VANGL1: variants seen among roughly 807,000 people sequenced by gnomAD.
VANGL1 encodes the protein VANGL planar cell polarity protein 1, also known as vang-like protein 1.
A neutral mutation model predicts 48.4 loss-of-function variants in VANGL1; 18 were observed. The ratio of observed to expected loss-of-function variants is 0.37; its 90% CI spans 0.26 to 0.55. VANGL1 has a LOEUF of 0.55. VANGL1 is among the 20% of genes least tolerant of loss of function. The pLI is 0.81. For synonymous variants in VANGL1, 257 were observed against 261.8 expected (o/e 0.98, Z 0.18); for missense variants, 667 against 675.8 (o/e 0.99, Z 0.14).
In VANGL1 at chr1:115,673,594, CTTTTTT is replaced by C. The variant is rs960453479; in HGVS notation, c.813-8752_813-8747del. Among the ~76,000 whole-genome samples, 10 of 108,584 alleles carry C rather than the reference CTTTTTT, an allele frequency of 9.2e-5. No individual in the cohort carries two copies. The East Asian group carries it at 1.5e-3, about 16-fold the overall frequency. The allele number at this position is 108,584 out of a possible 152,430, so 71.2% of individuals were successfully genotyped here. On this transcript the variant is annotated intron_variant, in intron 4 of 7. Transcript: ENST00000355485. ...CTCTCTGTGGGTCTCTGTATGTCCT[CTTTTTT>C]TTTTTTTTTTTTTTTTTGAGACAGA... is the stretch of plus-strand genomic sequence containing the variant.
chr1:115,691,336 C>G lies in VANGL1; in HGVS notation c.1532C>G (p.Ser511Cys). Residue 511 changes from serine (S) to cysteine (C), a missense_variant, in exon 8 of 8, where the codon TCT becomes TGT. By Grantham distance (112) the Ser-to-Cys change is moderately radical (BLOSUM62 -1). Transcript: ENST00000355485. ...TCTGAAGAGTTCATAGACCCCAAAT[C>G]TCACAAATTTGTCCTTCGCTTACAG... ...ILSEEFIDPK[S>C]HKFVLRLQSE... 1.2e-6 allele frequency: 2 copies of G among 1,614,080 alleles called. No homozygotes were observed. The highest frequency in any genetic ancestry group is 2.2e-5 in the South Asian group (2 of 91,072).
chr1:115,651,853 T>G (rs1244246575), intron 2 of VANGL1, among the ~76,000 whole-genome samples: 2 of 152,064 alleles, frequency 1.3e-5, no homozygotes, highest in East Asian at 3.9e-4. Context: ...GCCTTGTGGG[T>G]TCACGCCACT....
rs370292117 is a variant in VANGL1, at chr1:115,663,799, G to A, written c.343G>A (p.Val115Ile). ...LDCKRYLGLT[V>I]ASFLGLLVFL... ...TTGCAAACGCTACCTGGGCCTCACCGTCGCCTCTTTTCTTGGACTTCTAGT... is the reference window on the plus strand; with the variant it reads ...TTGCAAACGCTACCTGGGCCTCACCATCGCCTCTTTTCTTGGACTTCTAGT... Residue 115 changes from valine to isoleucine, a missense_variant, in exon 4 of 8, where the codon GTC becomes ATC. By Grantham distance (29) the Val-to-Ile change is conservative (BLOSUM62 3). Transcript: ENST00000355485. 49 of 1,614,096 alleles carry A rather than the reference G, an allele frequency of 3.0e-5. No individual in the cohort carries two copies. The highest frequency in any genetic ancestry group is 1.1e-4 in the East Asian group (5 of 44,884).
At chr1:115,655,382 G>C (rs1297638381) in intron 2 of VANGL1, among the ~76,000 whole-genome samples, 1 of 152,214 alleles carries the variant, frequency 6.6e-6, no homozygotes, top group Non-Finnish European at 1.5e-5. Context: ...CAAGGGCTTA[G>C]CTCTAGAACC....
In VANGL1 at chr1:115,691,426, G is replaced by A; in HGVS notation, c.*47G>A. ...ATTAAAAAAAAAAGAAAAATATATAGAGAGATATATATCTATGCCAGAGGG... is the reference window on the plus strand; with the variant it reads ...ATTAAAAAAAAAAGAAAAATATATAAAGAGATATATATCTATGCCAGAGGG... On this transcript the variant is annotated 3_prime_UTR_variant, in exon 8 of 8. Transcript: ENST00000355485. 6.4e-7 allele frequency: 1 copy of A among 1,558,206 alleles called. No individual in the cohort carries two copies. The highest frequency in any genetic ancestry group is 8.7e-7 in the Non-Finnish European group (1 of 1,146,700).
chr1:115,669,558 T>A (rs1040776160), intron 4 of VANGL1, among the ~76,000 whole-genome samples: 2 of 152,180 alleles, frequency 1.3e-5, no homozygotes, highest in Non-Finnish European at 2.9e-5. Flanking sequence ...CCTGTGGTAG[T>A]GAGTAAGTCT....
chr1:115,670,676 G>A (rs1412151921), intron 4 of VANGL1, among the ~76,000 whole-genome samples: 1 of 152,214 alleles, frequency 6.6e-6, no homozygotes, highest in Non-Finnish European at 1.5e-5. Context: ...AGAGCCCAGA[G>A]CCAGTGGCTG....
At position 115,664,107 on chromosome 1, in the gene VANGL1, G is replaced by C. The variant is rs755880701; in HGVS notation, c.651G>C (p.Gln217His). 1.9e-5 allele frequency: 31 copies of C among 1,614,024 alleles called. No homozygotes were observed. The highest frequency in any genetic ancestry group is 2.7e-5 in the African/African-American group (2 of 74,890). The change falls in exon 4 of 8, where the codon CAG becomes CAC. Residue 217 changes from glutamine to histidine, a missense_variant. By Grantham distance (24) the Gln-to-His change is conservative. Coordinates refer to ENST00000355485, the MANE Select transcript of VANGL1 (RefSeq NM_138959.3). ...TGGACTCTCGGGACCGGAATTACCA[G>C]GGCATTGTGCAATATGCAGTCTCCC... ...RILDSRDRNYQGIVQYAVSLV... is the reference protein window; with the variant it reads ...RILDSRDRNYHGIVQYAVSLV...
rs994765217 is a variant in VANGL1 at position 115,688,125 on chromosome 1, T to G, written c.1314+2598T>G. Among the ~76,000 whole-genome samples the G allele has an allele frequency of 1.4e-5, 2 of 138,364 alleles. 1 individual carries two copies. The highest frequency in any genetic ancestry group is 5.4e-5 in the African/African-American group (2 of 36,788). The allele number at this position is 138,364 out of a possible 152,430, so 90.8% of individuals were successfully genotyped here. Reference sequence around the variant, plus strand: ...TGTATATTATCTTTCTCTATATATATGTAGAGAGATATAGATATATAAAAC... The same window carrying G: ...TGTATATTATCTTTCTCTATATATAGGTAGAGAGATATAGATATATAAAAC... On this transcript the variant is annotated intron_variant, in intron 7 of 7. Coordinates refer to ENST00000355485, the MANE Select transcript of VANGL1 (RefSeq NM_138959.3).
At chr1:115,664,581 T>G (rs1031957932) in intron 4 of VANGL1, among the ~76,000 whole-genome samples, 12 of 152,198 alleles carry the variant, frequency 7.9e-5, no homozygotes, top group Admixed American at 6.5e-4. Context: ...CTTCTTTGAC[T>G]CTGAAATTGG....
At chr1:115,678,785 G>A (rs377454877) in intron 4 of VANGL1, among the ~76,000 whole-genome samples, 43 of 148,262 alleles carry the variant, frequency 2.9e-4, no homozygotes, top group East Asian at 2.9e-3. Flanking sequence ...GTGAGACCCC[G>A]TCCTTACTAA....
Position 115,691,607 on chromosome 1 carries a change from C to T in VANGL1, c.*228C>T. ...CATCTGACTTTTGTCGATGGGACTT[C>T]TCAAGAAGCCATTCCTTGGAGCTTC... On this transcript the variant is annotated 3_prime_UTR_variant, in exon 8 of 8. Transcript: ENST00000355485. 2.0e-6 allele frequency: 1 copy of T among 488,710 alleles called. No individual in the cohort carries two copies. Among genetic ancestry groups the T allele is most frequent in the Admixed American group, 3.8e-5 (1 of 26,060 alleles). The allele number at this position is 488,710 out of a possible 1,614,324, so 30.3% of individuals were successfully genotyped here. A position where few individuals can be genotyped will look rare whatever the true frequency, so the allele number is the denominator to read the frequency against.
At chr1:115,661,696 C>T (rs1227851553) in intron 3 of VANGL1, among the ~76,000 whole-genome samples, 2 of 152,070 alleles carry the variant, frequency 1.3e-5, no homozygotes, top group South Asian at 2.1e-4. Context: ...CACCTCACTG[C>T]AGCCTCTACC....
chr1:115,674,970 A>G (rs778425469), intron 4 of VANGL1, among the ~76,000 whole-genome samples: 3 of 152,176 alleles, frequency 2.0e-5, no homozygotes, highest in Non-Finnish European at 4.4e-5. Flanking sequence ...GCATGTATGC[A>G]CACATTTTTT....
At chr1:115,663,552 C>T (rs1040741744) in intron 3 of VANGL1, 109 bp from the exon 4 acceptor site, 2 of 1,471,400 alleles carry the variant, frequency 1.4e-6, no homozygotes, top group African/African-American at 2.8e-5. Context: ...TTCTGGAAGC[C>T]TTTGTGAATA....
rs575403439 is a variant in VANGL1, at chr1:115,687,773, T to A, written c.1314+2246T>A. On this transcript the variant is annotated intron_variant, in intron 7 of 7. Coordinates refer to ENST00000355485, the MANE Select transcript of VANGL1 (RefSeq NM_138959.3). ...TGTAAACCACAGGCACACGCCACCA[T>A]GCCTGGCAATTTTTGTATTTTTGTA... Among the ~76,000 whole-genome samples, 33 of 130,712 alleles carry A rather than the reference T, an allele frequency of 2.5e-4. 5 individuals are homozygous for A. Among genetic ancestry groups the A allele is most frequent in the African/African-American group, 7.8e-4 (27 of 34,766 alleles). The allele number at this position is 130,712 out of a possible 152,430, so 85.8% of individuals were successfully genotyped here.
chr1:115,690,923 C>G (rs572745339), intron 7 of VANGL1, among the ~76,000 whole-genome samples, 196 bp from the exon 8 acceptor site: 1 of 152,200 alleles, frequency 6.6e-6, no homozygotes, highest in Non-Finnish European at 1.5e-5. Flanking sequence ...GTGAGGAAGT[C>G]CAAGAAGTCT....
At chr1:115,652,709 G>A (rs188872723) in intron 2 of VANGL1, among the ~76,000 whole-genome samples, 3 of 152,268 alleles carry the variant, frequency 2.0e-5, no homozygotes, top group East Asian at 1.9e-4. Context: ...ACAAGCAGCC[G>A]AATGCAGAGT....
intron 4 of VANGL1, among the ~76,000 whole-genome samples, chr1:115,672,565 T>G (rs965658918): frequency 6.6e-6 from 1 of 151,598 alleles, no homozygotes; most frequent in African/African-American, 2.4e-5. Context: ...CCCCTCTATC[T>G]TGAAAGTCCA....
Sources: gnomAD v4.1 joint callset for allele counts (sites outside exome capture counted in the v4.1 genomes callset) on GRCh38, gnomAD v4.1.1 for gene constraint, MANE v1.5 for transcripts, NCBI Gene and HGNC (gene_info 2026-07-23, HGNC 2026-07-21) for gene names.